Variants in ESR1 observed in about 807,000 individuals in gnomAD.
ESR1 encodes the protein estrogen receptor.
Under a neutral mutation model 52.7 loss-of-function variants are expected in ESR1, and 12 were observed. The observed-to-expected ratio is 0.23, with a 90% CI of 0.15 to 0.37. ESR1 has a LOEUF of 0.37. Ranked by LOEUF, ESR1 falls within the 10% of genes least tolerant of loss-of-function variation. The pLI is 1.00. For synonymous variants in ESR1, 305 were observed against 316.8 expected (o/e 0.96, Z 0.39); for missense variants, 584 against 779.7 (o/e 0.75, Z 2.99).
chr6:151,887,040 CAAA>C (rs11316986), intron 3 of ESR1, among the ~76,000 whole-genome samples: 3 of 90,764 alleles, frequency 3.3e-5, no homozygotes, highest in African/African-American at 6.5e-5. Flanking sequence ...GACTCCATCT[CAAA>C]AAAAAAAAAA....
chr6:151,998,405 A>C (rs1461951972), intron 4 of ESR1, among the ~76,000 whole-genome samples: 1 of 151,846 alleles, frequency 6.6e-6, no homozygotes, highest in African/African-American at 2.4e-5. Flanking sequence ...TCTTGCAAAC[A>C]TTCACTCAGA....
intron 5 of ESR1, among the ~76,000 whole-genome samples, chr6:152,049,612 G>A (rs537690293): frequency 6.6e-6 from 1 of 152,332 alleles, no homozygotes; most frequent in South Asian, 2.1e-4. Context: ...GGGTGTGTCA[G>A]TTATCTGTCC....
intron 1 of ESR1, among the ~76,000 whole-genome samples, chr6:151,669,988 T>C (rs1777992628): frequency 6.6e-6 from 1 of 152,082 alleles, no homozygotes; most frequent in South Asian, 2.1e-4. Flanking sequence ...TGGGGAAAAC[T>C]TAGTATTGGA....
intron 2 of ESR1, among the ~76,000 whole-genome samples, chr6:151,714,436 T>C (rs912832659): frequency 2.0e-5 from 3 of 152,148 alleles, no homozygotes; most frequent in Admixed American, 2.0e-4. Flanking sequence ...GACAGTGGGG[T>C]GTTAAAGTCT....
intron 6 of ESR1, among the ~76,000 whole-genome samples, chr6:152,069,825 G>A (rs1360792166): frequency 1.5e-5 from 2 of 137,434 alleles, no homozygotes; most frequent in Non-Finnish European, 3.0e-5. Context: ...GACAGATTAC[G>A]GACTGGTACC....
chr6:151,915,984 A>G (rs527268887), intron 3 of ESR1, among the ~76,000 whole-genome samples: 1 of 152,272 alleles, frequency 6.6e-6, no homozygotes, highest in Admixed American at 6.5e-5. Context: ...TGTTTGAGAT[A>G]TTTTCAATAC....
chr6:152,016,079 T>C (rs918818445), intron 5 of ESR1, among the ~76,000 whole-genome samples: 5 of 152,122 alleles, frequency 3.3e-5, no homozygotes, highest in Non-Finnish European at 7.3e-5. Flanking sequence ...TGGTAGTGAA[T>C]AAGTTTCATG....
intron 4 of ESR1, among the ~76,000 whole-genome samples, chr6:151,962,710 T>G (rs866474216): frequency 6.6e-6 from 1 of 152,224 alleles, no homozygotes; most frequent in Non-Finnish European, 1.5e-5. Flanking sequence ...TGCGTAATCA[T>G]GTGCTTGCTC....
intron 4 of ESR1, among the ~76,000 whole-genome samples, chr6:152,001,331 G>T (rs1190671060): frequency 6.6e-6 from 1 of 151,990 alleles, no homozygotes; most frequent in African/African-American, 2.4e-5. Flanking sequence ...ATTGGAAGGA[G>T]AAATGGGCAC....
intron 4 of ESR1, among the ~76,000 whole-genome samples, chr6:151,961,835 G>A (rs575182304): frequency 2.0e-5 from 3 of 152,292 alleles, no homozygotes; most frequent in South Asian, 2.1e-4. Context: ...GCTGAGCTGC[G>A]TTACAAGCCC....
intron 2 of ESR1, among the ~76,000 whole-genome samples, chr6:151,848,454 T>G (rs1251875289): frequency 7.4e-6 from 1 of 134,520 alleles, no homozygotes; most frequent in East Asian, 2.0e-4. Flanking sequence ...AATGTGCACA[T>G]GTACACTAAA....
At chr6:152,077,075 C>T (rs568959192) in intron 6 of ESR1, among the ~76,000 whole-genome samples, 95 of 152,244 alleles carry the variant, frequency 6.2e-4, no homozygotes, top group African/African-American at 2.2e-3. Flanking sequence ...CAGCCCCTCC[C>T]ATCACAGACC....
chr6:152,027,191 C>T (rs992737968), intron 5 of ESR1, among the ~76,000 whole-genome samples: 3 of 152,146 alleles, frequency 2.0e-5, no homozygotes, highest in African/African-American at 4.8e-5. Flanking sequence ...GTCACGAATT[C>T]CTGACCTCAA....
intron 5 of ESR1, among the ~76,000 whole-genome samples, chr6:152,016,879 G>T (rs139628374): frequency 6.6e-6 from 1 of 152,062 alleles, no homozygotes; most frequent in Non-Finnish European, 1.5e-5. Context: ...TTTCATTTGC[G>T]TAGAAATAGG....
At chr6:151,977,007 T>A (rs2039501659) in intron 4 of ESR1, among the ~76,000 whole-genome samples, 2 of 152,134 alleles carry the variant, frequency 1.3e-5, no homozygotes, top group Admixed American at 6.5e-5. Flanking sequence ...GTATGGTGGC[T>A]AGATGCCATG....
chr6:152,074,364 T>C (rs1431308947), intron 6 of ESR1, among the ~76,000 whole-genome samples: 3 of 152,232 alleles, frequency 2.0e-5, no homozygotes, highest in Middle Eastern at 3.2e-3. Context: ...TCAGATTGGC[T>C]TCTTTCACTC....
intron 2 of ESR1, among the ~76,000 whole-genome samples, chr6:151,765,353 A>C (rs79927331): frequency 0.019 from 2,879 of 152,358 alleles, 35 homozygotes; most frequent in East Asian, 0.03. Context: ...CAGTTTTAAA[A>C]TTTAAATCAA....
chr6:152,007,566 A>G (rs1256918582), intron 4 of ESR1, among the ~76,000 whole-genome samples: 1 of 152,120 alleles, frequency 6.6e-6, no homozygotes, highest in Non-Finnish European at 1.5e-5. Flanking sequence ...GGACTTGTGA[A>G]TATAGACTAG....
intron 3 of ESR1, among the ~76,000 whole-genome samples, chr6:151,941,168 T>A (rs1008347301): frequency 1.3e-5 from 2 of 152,216 alleles, no homozygotes; most frequent in African/African-American, 4.8e-5. Flanking sequence ...TACTCTTGAT[T>A]TCACCTTAGG....
Sources: allele counts gnomAD v4.1 joint callset (sites outside exome capture counted in the v4.1 genomes callset), GRCh38; gene constraint gnomAD v4.1.1; transcripts MANE v1.5; gene names NCBI Gene and HGNC (gene_info 2026-07-23, HGNC 2026-07-21).